The following MMRN1 variants were observed in gnomAD, a reference collection of about 807,000 sequenced individuals.
MMRN1 encodes multimerin-1.
A neutral mutation model predicts 100.7 loss-of-function variants in MMRN1; 94 were observed. The observed-to-expected ratio is 0.93, with a 90% CI of 0.79 to 1.11. The LOEUF (loss-of-function observed/expected upper bound fraction) is 1.11. Ranked by LOEUF, MMRN1 falls within the 50% of genes least tolerant of loss-of-function variation. The probability of loss-of-function intolerance (pLI) is 0.00; values close to 1 mark genes in which losing one functional copy is unlikely to be tolerated. For synonymous variants in MMRN1, 575 were observed against 505.0 expected (o/e 1.14, Z -1.86); for missense variants, 1,606 against 1,439.1 (o/e 1.12, Z -1.88).
chr4:89,936,856 T>C (rs1722663095), intron 6 of MMRN1, 58 bp downstream of exon 6: 1 of 1,464,248 alleles, frequency 6.8e-7, no homozygotes, highest in Admixed American at 2.3e-5. Context: ...TGATATTTAA[T>C]AGATCTGTAC....
In MMRN1 at chr4:89,953,093, A is replaced by T; in HGVS notation, c.3362A>T (p.Asn1121Ile). The change falls in exon 8 of 8, where the codon AAC (asparagine) becomes ATC (isoleucine). Residue 1121 changes from asparagine to isoleucine, a missense_variant. Asn to Ile is a moderately radical substitution (Grantham distance 149, BLOSUM62 -3). Coordinates refer to ENST00000264790, the MANE Select transcript of MMRN1 (RefSeq NM_007351.3). ...ATACCTGGTCCTATCCTGTTTAATA[A>T]CTTGGATGTCAATTATGGAGCTTCA... ...MTIPGPILFNNLDVNYGASYT... is the reference protein window; with the variant it reads ...MTIPGPILFNILDVNYGASYT... 6.2e-7 allele frequency: 1 copy of T among 1,613,876 alleles called. No homozygotes were observed. Among genetic ancestry groups the T allele is most frequent in the Non-Finnish European group, 8.5e-7 (1 of 1,179,866 alleles).
chr4:89,904,197 C>G (rs1040629768), intron 1 of MMRN1, among the ~76,000 whole-genome samples: 2 of 151,696 alleles, frequency 1.3e-5, no homozygotes, highest in African/African-American at 4.8e-5. Context: ...CTGATTTTGA[C>G]AAGAGATATG....
At chr4:89,913,481 T>C (rs1721819074) in intron 3 of MMRN1, among the ~76,000 whole-genome samples, 1 of 151,320 alleles carries the variant, frequency 6.6e-6, no homozygotes, top group Non-Finnish European at 1.5e-5. Flanking sequence ...ATCAATTCTT[T>C]ATCACTATGG....
At chr4:89,909,779 A>G (rs1020923467) in intron 2 of MMRN1, among the ~76,000 whole-genome samples, 1 of 151,444 alleles carries the variant, frequency 6.6e-6, no homozygotes, top group Admixed American at 6.6e-5. Context: ...TCTTCATGCT[A>G]GGTCAGAAAG....
In MMRN1 at chr4:89,935,499, C is replaced by T; in HGVS notation, c.1819C>T (p.Leu607Phe). Residue 607 changes from leucine to phenylalanine, a missense_variant, in exon 6 of 8, where the codon CTT becomes TTT. Transcript: ENST00000264790. ...ATGCAGAAATGATTTTAAATTTCAA[C>T]TTAAGGACACAGAAGAGAATTTACA... ...SKCRNDFKFQ[L>F]KDTEENLHVL... is the part of the protein sequence containing the mutation. 1 of 1,613,352 alleles carries T rather than the reference C, an allele frequency of 6.2e-7. No individual in the cohort carries two copies. The highest frequency in any genetic ancestry group is 8.5e-7 in the Non-Finnish European group (1 of 1,179,690).
At position 89,935,042 on chromosome 4, in the gene MMRN1, TGATA is replaced by T; in HGVS notation, c.1363_1366del (p.Asp455Ter). ...TGCAAGAGAATCGGCCCACTTTGAC[TGATA>T]TAGTGGAACTAAGGAATCACATTGT... On this transcript the variant is annotated frameshift_variant, in exon 6 of 8. Coordinates refer to ENST00000264790, the MANE Select transcript of MMRN1 (RefSeq NM_007351.3). LOFTEE classifies it high-confidence loss of function. The T allele has an allele frequency of 6.2e-7, 1 of 1,613,498 alleles. No individual in the cohort carries two copies. Among genetic ancestry groups the T allele is most frequent in the Non-Finnish European group, 8.5e-7 (1 of 1,179,738 alleles).
At chr4:89,951,500 C>A in intron 6 of MMRN1, 105 bp from the exon 7 acceptor site, 1 of 1,236,738 alleles carries the variant, frequency 8.1e-7, no homozygotes, top group Non-Finnish European at 1.1e-6. Flanking sequence ...ATTTTTCTTA[C>A]TTAAAATTCA....
chr4:89,907,297 A>G (rs966753038), intron 1 of MMRN1, among the ~76,000 whole-genome samples: 40 of 151,638 alleles, frequency 2.6e-4, no homozygotes, highest in African/African-American at 9.6e-4. Flanking sequence ...AAGGGGCCTG[A>G]AATTTTAAAC....
At position 89,935,886 on chromosome 4, in the gene MMRN1, A is replaced by G; in HGVS notation, c.2206A>G (p.Asn736Asp). Residue 736 changes from asparagine to aspartate, a missense_variant, in exon 6 of 8, where the codon AAT becomes GAT. By Grantham distance (23) the Asn-to-Asp change is conservative. Transcript: ENST00000264790. ...CCTCAATAAGACAATGACTATTATA[A>G]ATAATGCTATTGATTTCATTCAAGA... The part of the protein sequence containing the change: ...DGLNKTMTII[N>D]NAIDFIQDNY... 1 of 1,610,060 alleles carries G rather than the reference A, an allele frequency of 6.2e-7. No homozygotes were observed. The highest frequency in any genetic ancestry group is 8.5e-7 in the Non-Finnish European group (1 of 1,178,174).
At chr4:89,936,874 C>A in intron 6 of MMRN1, 76 bp downstream of exon 6, 1 of 1,336,792 alleles carries the variant, frequency 7.5e-7, no homozygotes, top group Non-Finnish European at 1.0e-6. Flanking sequence ...TACAGTTGAG[C>A]AAGACCATTA....
intron 4 of MMRN1, among the ~76,000 whole-genome samples, chr4:89,927,184 G>A (rs1722289131): frequency 1.3e-5 from 2 of 151,758 alleles, no homozygotes; most frequent in African/African-American, 4.8e-5. Flanking sequence ...AATGTCATTA[G>A]TGTTTTGATA....
intron 1 of MMRN1, among the ~76,000 whole-genome samples, chr4:89,902,460 T>C (rs1236104394): frequency 6.6e-6 from 1 of 152,022 alleles, no homozygotes; most frequent in Non-Finnish European, 1.5e-5. Flanking sequence ...TGTACCACTT[T>C]AAAAATATAC....
At chr4:89,899,223 G>A (rs1454682961) in intron 1 of MMRN1, among the ~76,000 whole-genome samples, 2 of 148,680 alleles carry the variant, frequency 1.3e-5, no homozygotes, top group Non-Finnish European at 1.5e-5. Context: ...TTTTTTTTTA[G>A]CCTTGCAGGA....
At chr4:89,884,101 G>A (rs946224319) in intron 1 of MMRN1, among the ~76,000 whole-genome samples, 5 of 151,924 alleles carry the variant, frequency 3.3e-5, no homozygotes, top group African/African-American at 1.2e-4. Context: ...CAATATTATA[G>A]TATTTTTCCT....
intron 1 of MMRN1, among the ~76,000 whole-genome samples, chr4:89,896,058 G>C (rs1721197162): frequency 6.6e-6 from 1 of 152,152 alleles, no homozygotes; most frequent in East Asian, 1.9e-4. Flanking sequence ...CACACCAGGG[G>C]TGCAATCCTG....
chr4:89,891,618 C>G (rs1721056790), upstream of MMRN1, among the ~76,000 whole-genome samples: 2 of 152,062 alleles, frequency 1.3e-5, no homozygotes, highest in African/African-American at 4.8e-5. Flanking sequence ...TTCTCTTCTT[C>G]TCCAGCCCTT....
chr4:89,927,206 G>C (rs111788218), intron 4 of MMRN1, among the ~76,000 whole-genome samples: 6,353 of 151,692 alleles, frequency 0.042, 337 homozygotes, highest in African/African-American at 0.12. Context: ...GGATTGCATT[G>C]AATCTGTAGG....
chr4:89,892,720 C>T (rs1721082257), upstream of MMRN1, among the ~76,000 whole-genome samples: 1 of 151,820 alleles, frequency 6.6e-6, no homozygotes, highest in African/African-American at 2.4e-5. Flanking sequence ...TTGGTCAATA[C>T]CTTATAAGTG....
At chr4:89,889,102 A>G (rs1009493224) in intron 1 of MMRN1, among the ~76,000 whole-genome samples, 3 of 152,116 alleles carry the variant, frequency 2.0e-5, no homozygotes, top group Admixed American at 6.6e-5. Flanking sequence ...AGTTATCCCA[A>G]TTTGTAATTG....
Sources: allele counts gnomAD v4.1 joint callset (sites outside exome capture counted in the v4.1 genomes callset), GRCh38; gene constraint gnomAD v4.1.1; transcripts MANE v1.5; gene names NCBI Gene and HGNC (gene_info 2026-07-23, HGNC 2026-07-21).